The following NEMP2 variants were observed in gnomAD, a reference collection of about 807,000 sequenced individuals.
The protein encoded by NEMP2 is UPF0571 transmembrane protein.
A neutral mutation model predicts 54.2 loss-of-function variants in NEMP2; 53 were observed. That is an observed-to-expected ratio of 0.98 (90% CI 0.78 to 1.23). The LOEUF (loss-of-function observed/expected upper bound fraction) is 1.23, where lower values mean the gene tolerates loss of function less well. Among genes scored for constraint, NEMP2 ranks in the 50% most tolerant of loss-of-function variants. The probability of loss-of-function intolerance (pLI) is 0.00; values close to 1 mark genes in which losing one functional copy is unlikely to be tolerated. For missense variants in NEMP2, 455 were observed against 511.3 expected (o/e 0.89, Z 1.06); for synonymous variants, 197 against 190.3 (o/e 1.04, Z -0.29).
chr2:190,597,969 A>T, the NEMP2 span, among the ~76,000 whole-genome samples: 5 of 152,066 alleles, frequency 3.3e-5, no homozygotes, highest in Non-Finnish European at 7.4e-5. The surrounding 1 kb of genome is among the most constrained non-coding windows in gnomAD (Gnocchi z 4.7). Flanking sequence ...TCCCATTTAT[A>T]CCTCTAGGCT....
rs1253902371 is a variant in NEMP2, at chr2:190,521,876, C to G, written c.214-2693G>C. ...TTTCTCCTCTGCTTGCTCCTTCCTT[C>G]TCCCTGAACTCTTAATATAAGACTG... On this transcript the variant is annotated intron_variant, in intron 2 of 8. Coordinates refer to ENST00000409150, the MANE Select transcript of NEMP2 (RefSeq NM_001142645.2). This position sits in a 1 kb window ranked among gnomAD's most constrained non-coding sequence, Gnocchi z 6.2. Among the ~76,000 whole-genome samples the G allele has an allele frequency of 6.6e-6, 1 of 152,136 alleles. No individual in the cohort carries two copies. The highest frequency in any genetic ancestry group is 1.5e-5 in the Non-Finnish European group (1 of 68,040).
chr2:190,535,774 G>A (rs964554001), upstream of NEMP2: 11 of 152,164 alleles, frequency 7.2e-5, no homozygotes, highest in African/African-American at 2.4e-4. Context: ...TCCTTGTAAG[G>A]GACTCTTCAG....
chr2:190,492,607 G>A, the NEMP2 span, among the ~76,000 whole-genome samples: 1 of 152,120 alleles, frequency 6.6e-6, no homozygotes, highest in African/African-American at 2.4e-5. The surrounding 1 kb of genome is among the most constrained non-coding windows in gnomAD (Gnocchi z 5.2). Context: ...CAATAATAGT[G>A]ACACAACCTA....
At chr2:190,588,899 A>G in the NEMP2 span, among the ~76,000 whole-genome samples, 17 of 152,294 alleles carry the variant, frequency 1.1e-4, no homozygotes, top group East Asian at 3.3e-3. This position sits in a 1 kb window ranked among gnomAD's most constrained non-coding sequence, Gnocchi z 5.0. Flanking sequence ...GGTTGGATAC[A>G]TATCACTCAA....
chr2:190,562,415 T>C, the NEMP2 span, among the ~76,000 whole-genome samples: 2 of 152,160 alleles, frequency 1.3e-5, no homozygotes, highest in African/African-American at 4.8e-5. The surrounding 1 kb of genome is among the most constrained non-coding windows in gnomAD (Gnocchi z 5.0). Flanking sequence ...CATGGAGCAT[T>C]AAGCACTCCC....
the NEMP2 span, chr2:190,489,717 G>T: frequency 6.6e-7 from 1 of 1,512,736 alleles, no homozygotes; most frequent in Non-Finnish European, 9.1e-7. The surrounding 1 kb of genome is among the most constrained non-coding windows in gnomAD (Gnocchi z 6.6). Context: ...TTAGATGAGC[G>T]CTATCTGCAT....
chr2:190,461,958 T>C, the NEMP2 span, among the ~76,000 whole-genome samples: 10 of 152,148 alleles, frequency 6.6e-5, no homozygotes, highest in Non-Finnish European at 1.5e-4. This position sits in a 1 kb window ranked among gnomAD's most constrained non-coding sequence, Gnocchi z 5.5. Flanking sequence ...AATTTGACAG[T>C]ACTTTTTTCC....
At chr2:190,463,413 A>T in the NEMP2 span, among the ~76,000 whole-genome samples, 4 of 152,208 alleles carry the variant, frequency 2.6e-5, no homozygotes, top group African/African-American at 9.7e-5. This position sits in a 1 kb window ranked among gnomAD's most constrained non-coding sequence, Gnocchi z 4.4. Flanking sequence ...TGAGCACAGG[A>T]GTCTCCACTC....
chr2:190,423,850 T>C, the NEMP2 span, among the ~76,000 whole-genome samples: 1 of 152,322 alleles, frequency 6.6e-6, no homozygotes, highest in African/African-American at 2.4e-5. The surrounding 1 kb of genome is among the most constrained non-coding windows in gnomAD (Gnocchi z 4.3). Context: ...TGTAGTGATA[T>C]AGCATCATGG....
chr2:190,550,643 C>G, the NEMP2 span, among the ~76,000 whole-genome samples: 1 of 152,184 alleles, frequency 6.6e-6, no homozygotes, highest in African/African-American at 2.4e-5. This position sits in a 1 kb window ranked among gnomAD's most constrained non-coding sequence, Gnocchi z 4.7. Context: ...CATCTCCCTT[C>G]TCTATTTTTT....
chr2:190,631,773 G>A, the NEMP2 span, among the ~76,000 whole-genome samples: 8 of 152,184 alleles, frequency 5.3e-5, no homozygotes, highest in African/African-American at 1.9e-4. Context: ...AAGATACCAT[G>A]GGCTGGGCAT....
chr2:190,596,158 C>A, the NEMP2 span, among the ~76,000 whole-genome samples: 9 of 152,116 alleles, frequency 5.9e-5, no homozygotes, highest in African/African-American at 1.9e-4. This position sits in a 1 kb window ranked among gnomAD's most constrained non-coding sequence, Gnocchi z 5.1. Context: ...ACAAGAAAAC[C>A]AAACGCTGCA....
intron 6 of NEMP2, among the ~76,000 whole-genome samples, chr2:190,515,254 C>G (rs760000178): frequency 1.2e-4 from 18 of 151,986 alleles, no homozygotes; most frequent in Non-Finnish European, 2.1e-4. Flanking sequence ...ACAGAAAATA[C>G]GCAGAAGAGA....
chr2:190,460,621 C>A, the NEMP2 span, among the ~76,000 whole-genome samples: 1 of 152,196 alleles, frequency 6.6e-6, no homozygotes, highest in Non-Finnish European at 1.5e-5. Context: ...ATGCAGAATG[C>A]AGTCAGGTTG....
At chr2:190,607,122 G>A in the NEMP2 span, among the ~76,000 whole-genome samples, 1 of 152,200 alleles carries the variant, frequency 6.6e-6, no homozygotes, top group South Asian at 2.1e-4. The surrounding 1 kb of genome is among the most constrained non-coding windows in gnomAD (Gnocchi z 5.2). Flanking sequence ...AGGGGTTCAC[G>A]AGGGCTGGAA....
rs1022707617 is a variant in NEMP2, at chr2:190,533,270, C to T, written c.97+1289G>A. On this transcript the variant is annotated intron_variant, in intron 1 of 8. Transcript: ENST00000409150. The surrounding 1 kb of genome is among the most constrained non-coding windows in gnomAD (Gnocchi z 4.3). Reference sequence around the variant, plus strand: ...TCTAAGGCTACTTCTAATTTTCTCGCTGTTGCCATGCCCAGAAACCTTCCT... The same window carrying T: ...TCTAAGGCTACTTCTAATTTTCTCGTTGTTGCCATGCCCAGAAACCTTCCT... 1.3e-5 allele frequency among the ~76,000 whole-genome samples: 2 copies of T among 152,324 alleles called. No homozygotes were observed. Among genetic ancestry groups the T allele is most frequent in the Non-Finnish European group, 1.5e-5 (1 of 68,024 alleles).
chr2:190,454,990 GTATATGTATAATGTATATGTA>G, the NEMP2 span, among the ~76,000 whole-genome samples: 1 of 77,748 alleles, frequency 1.3e-5, no homozygotes, highest in Non-Finnish European at 3.9e-5. This position sits in a 1 kb window ranked among gnomAD's most constrained non-coding sequence, Gnocchi z 4.6. Context: ...ATATGTATAT[GTATATGTATAATGTATATGTA>G]TATGTATATG....
chr2:190,604,319 C>A, the NEMP2 span, among the ~76,000 whole-genome samples: 1 of 152,224 alleles, frequency 6.6e-6, no homozygotes, highest in Non-Finnish European at 1.5e-5. This position sits in a 1 kb window ranked among gnomAD's most constrained non-coding sequence, Gnocchi z 4.5. Context: ...CCAACACCTA[C>A]TTCTGGGACC....
rs1690886105 is a variant in NEMP2, at chr2:190,525,101, A to G, written c.213+162T>C. 6.6e-6 allele frequency among the ~76,000 whole-genome samples: 1 copy of G among 152,212 alleles called. No individual in the cohort carries two copies. Among genetic ancestry groups the G allele is most frequent in the Non-Finnish European group, 1.5e-5 (1 of 68,038 alleles). ...TTAGTGTCCTCTTCTCACACTGCTC[A>G]CCCATTGAACCACTGTGTGTGATCC... On this transcript the variant is annotated intron_variant, in intron 2 of 8. Transcript: ENST00000409150. This position sits in a 1 kb window ranked among gnomAD's most constrained non-coding sequence, Gnocchi z 5.0.
Sources: gnomAD v4.1 joint callset for allele counts (sites outside exome capture counted in the v4.1 genomes callset) on GRCh38, gnomAD v4.1.1 for gene constraint, Gnocchi (gnomAD v3.1) non-coding constraint, MANE v1.5 for transcripts, NCBI Gene and HGNC (gene_info 2026-07-23, HGNC 2026-07-21) for gene names.